Variants in RYR2 observed in about 807,000 individuals in gnomAD.
RYR2 encodes ryanodine receptor 2, also known as cardiac muscle ryanodine receptor-calcium release channel.
RYR2 carries 227 observed loss-of-function variants against 601.1 expected under a neutral mutation model. The ratio of observed to expected loss-of-function variants is 0.38; its 90% confidence interval spans 0.34 to 0.42. RYR2 has a LOEUF of 0.42. Among genes scored for constraint, RYR2 ranks in the 10% least tolerant of loss-of-function variants. The pLI, the probability that RYR2 is intolerant of heterozygous loss-of-function variation, is 1.00. For missense variants in RYR2, 4,646 were observed against 6,156.5 expected (o/e 0.75, Z 8.21); for synonymous variants, 2,223 against 2,175.1 (o/e 1.02, Z -0.61).
rs1334028810 is a variant in RYR2, at chr1:237,742,315, A to G, written c.11111A>G (p.Asp3704Gly). ...IMAKSCHDEE[D>G]DDGEEEVKSF... ...ATACAGAGTTGTCATGATGAGGAAG[A>G]TGACGATGGTGAAGAGGAAGTGAAG... The change falls in exon 80 of 105, where the codon GAT becomes GGT. Residue 3704 changes from aspartate (D) to glycine (G), a missense_variant. Transcript: ENST00000366574. 10 of 1,558,648 alleles carry G rather than the reference A, an allele frequency of 6.4e-6. No individual in the cohort carries two copies. In the African/African-American group the frequency reaches 6.8e-5, roughly 11 times the overall value.
chr1:237,488,110 T>G (rs1230859564), intron 17 of RYR2, among the ~76,000 whole-genome samples: 1 of 152,180 alleles, frequency 6.6e-6, no homozygotes, highest in Non-Finnish European at 1.5e-5. Flanking sequence ...ATTCACTCTA[T>G]GGGCCTTCAT....
intron 1 of RYR2, among the ~76,000 whole-genome samples, chr1:237,231,947 G>A (rs1324695234): frequency 1.3e-5 from 2 of 152,172 alleles, no homozygotes; most frequent in Admixed American, 1.3e-4. Flanking sequence ...GTAATGTGTA[G>A]GTGGCAAATA....
intron 25 of RYR2, among the ~76,000 whole-genome samples, chr1:237,541,034 G>A (rs1392138144): frequency 6.6e-6 from 1 of 152,084 alleles, no homozygotes. Flanking sequence ...ACAAGCACAT[G>A]TACAAAATTC....
At chr1:237,744,595 G>T (rs1241885261) in intron 80 of RYR2, among the ~76,000 whole-genome samples, 1 of 152,022 alleles carries the variant, frequency 6.6e-6, no homozygotes, top group Non-Finnish European at 1.5e-5. Flanking sequence ...GAAGGAGGTT[G>T]CAGTGAGCCG....
intron 40 of RYR2, among the ~76,000 whole-genome samples, chr1:237,626,372 C>T (rs571893168): frequency 9.4e-4 from 143 of 151,994 alleles, no homozygotes; most frequent in Admixed American, 2.2e-3. Flanking sequence ...TAAGATGCAG[C>T]AATGGTTTGT....
intron 1 of RYR2, among the ~76,000 whole-genome samples, chr1:237,175,483 T>A (rs1459445671): frequency 1.3e-5 from 2 of 152,162 alleles, no homozygotes; most frequent in African/African-American, 4.8e-5. Flanking sequence ...TCAGTGTATG[T>A]CTGTCTCTAT....
rs115755128 is a variant in RYR2, at chr1:237,628,100, C to T, written c.6440+20C>T. ...ATTAGGGTAAATTATTTAACTACTA[C>T]AACCCTTTGTCTCGTAAATGTTTTC... On this transcript the variant is annotated intron_variant, in intron 41 of 104. Coordinates refer to ENST00000366574, the MANE Select transcript of RYR2 (RefSeq NM_001035.3). 2,981 of 1,609,492 alleles carry T rather than the reference C, an allele frequency of 1.9e-3. 61 individuals are homozygous for T. The African/African-American group carries it at 0.035, about 19-fold the overall frequency.
At chr1:237,681,242 A>G (rs1160278057) in intron 62 of RYR2, among the ~76,000 whole-genome samples, 1 of 152,218 alleles carries the variant, frequency 6.6e-6, no homozygotes, top group Admixed American at 6.5e-5. Context: ...TTTAGATTGT[A>G]TCGGAACAAA....
intron 22 of RYR2, among the ~76,000 whole-genome samples, chr1:237,505,332 G>A (rs545981940): frequency 2.6e-5 from 4 of 152,290 alleles, no homozygotes; most frequent in African/African-American, 9.6e-5. Context: ...GCTTCAGTGA[G>A]GTTGTTTAGA....
intron 1 of RYR2, among the ~76,000 whole-genome samples, chr1:237,119,136 T>C (rs940514551): frequency 3.3e-5 from 5 of 152,098 alleles, no homozygotes; most frequent in African/African-American, 1.2e-4. Context: ...GTCATTAGGT[T>C]GGGTCTTAAT....
rs1314601816 is a variant in RYR2, at chr1:237,726,267, T to C, written c.10690-6T>C. On this transcript the variant is annotated splice_polypyrimidine_tract_variant and splice_region_variant and intron_variant, in intron 74 of 104. Transcript: ENST00000366574. Reference sequence around the variant, plus strand: ...TTAGCTAACATAACATTTTTATTTCTTTCAGAAGTCTAAACGTGTGGGTCG... The same window carrying C: ...TTAGCTAACATAACATTTTTATTTCCTTCAGAAGTCTAAACGTGTGGGTCG... 1 of 1,573,074 alleles carries C rather than the reference T, an allele frequency of 6.4e-7. No homozygotes were observed. Among genetic ancestry groups the C allele is most frequent in the Admixed American group, 1.8e-5 (1 of 56,310 alleles).
intron 38 of RYR2, among the ~76,000 whole-genome samples, chr1:237,620,580 T>C (rs761072300): frequency 6.6e-6 from 1 of 152,030 alleles, no homozygotes; most frequent in Non-Finnish European, 1.5e-5. Context: ...TATAATAATG[T>C]ATACAGATTA....
chr1:237,361,094 G>A (rs1699749418), intron 4 of RYR2, among the ~76,000 whole-genome samples: 1 of 152,076 alleles, frequency 6.6e-6, no homozygotes, highest in Non-Finnish European at 1.5e-5. Flanking sequence ...CTCCTGCCCT[G>A]GCCTCCCAAA....
intron 38 of RYR2, among the ~76,000 whole-genome samples, chr1:237,622,033 A>G (rs1406612568): frequency 6.6e-6 from 1 of 152,184 alleles, no homozygotes; most frequent in Non-Finnish European, 1.5e-5. Context: ...CAATCGGGAA[A>G]CTGCATAAAG....
rs113528196 is a variant in RYR2, at chr1:237,391,177, C to T, written c.773+2994C>T. Among the ~76,000 whole-genome samples the T allele has an allele frequency of 2.4e-3, 370 of 152,160 alleles. 1 individual carries two copies. The highest frequency in any genetic ancestry group is 8.7e-3 in the African/African-American group (360 of 41,518). On this transcript the variant is annotated intron_variant, in intron 10 of 104. Transcript: ENST00000366574. Reference sequence around the variant, plus strand: ...AGTTTTCAACCTCCCTCTGTTATTTCCCTAGGTCATTGTAAGGAACTTGGG... The same window carrying T: ...AGTTTTCAACCTCCCTCTGTTATTTTCCTAGGTCATTGTAAGGAACTTGGG...
intron 17 of RYR2, among the ~76,000 whole-genome samples, chr1:237,488,820 C>T (rs1426920869): frequency 6.6e-6 from 1 of 152,176 alleles, no homozygotes; most frequent in Non-Finnish European, 1.5e-5. Flanking sequence ...CAGACTCAGC[C>T]CGCCTGCACT....
chr1:237,802,019 C>A lies in RYR2; in HGVS notation c.14151+103C>A, dbSNP rs570209973. 3.6e-5 allele frequency: 24 copies of A among 675,210 alleles called. 1 individual carries two copies. The highest frequency in any genetic ancestry group is 1.6e-4 in the African/African-American group (9 of 57,324). 41.8% of individuals were successfully genotyped at this position (675,210 alleles called of 1,614,324 possible). A position where few individuals can be genotyped will look rare whatever the true frequency, so the allele number is the denominator to read the frequency against. ...GGTTATTTAGAAAATGTTTCGAATA[C>A]CAATTCATTTCATACAGACCAGATC... On this transcript the variant is annotated intron_variant, in intron 98 of 104. Transcript: ENST00000366574.
chr1:237,760,393 G>A (rs1194437200), intron 83 of RYR2, among the ~76,000 whole-genome samples: 2 of 142,982 alleles, frequency 1.4e-5, no homozygotes, highest in East Asian at 2.1e-4. Flanking sequence ...AGCCTTCCCC[G>A]TGTTTAAATA....
At chr1:237,522,659 TC>T (rs1376873197) in intron 24 of RYR2, among the ~76,000 whole-genome samples, 1 of 152,234 alleles carries the variant, frequency 6.6e-6, no homozygotes, top group African/African-American at 2.4e-5. Context: ...CAGTAAATAT[TC>T]ATCAAATGAA....
Sources: gnomAD v4.1 joint callset for allele counts (sites outside exome capture counted in the v4.1 genomes callset) on GRCh38, gnomAD v4.1.1 for gene constraint, MANE v1.5 for transcripts, NCBI Gene and HGNC (gene_info 2026-07-23, HGNC 2026-07-21) for gene names.